The following OXR1 variants were observed in gnomAD, a reference collection of about 807,000 sequenced individuals.
OXR1 encodes oxidation resistance 1, also known as oxidation resistance protein 1.
Under a neutral mutation model 104.6 loss-of-function variants are expected in OXR1, and 41 were observed. The observed-to-expected ratio is 0.39, with a 90% confidence interval of 0.31 to 0.51. The LOEUF is 0.51. Ranked by LOEUF, OXR1 falls within the 20% of genes least tolerant of loss-of-function variation. The probability of loss-of-function intolerance (pLI) is 0.77; values close to 1 mark genes in which losing one functional copy is unlikely to be tolerated. For missense variants in OXR1, 955 were observed against 1,031.9 expected (o/e 0.93, Z 1.02); for synonymous variants, 348 against 348.4 (o/e 1.00, Z 0.01).
At chr8:106,309,402 T>G (rs1813602821) in intron 1 of OXR1, among the ~76,000 whole-genome samples, 1 of 152,160 alleles carries the variant, frequency 6.6e-6, no homozygotes, top group Non-Finnish European at 1.5e-5. Flanking sequence ...TTTGTGTGTA[T>G]CTATCATATA....
chr8:106,332,752 C>T (rs1028877234), intron 1 of OXR1, among the ~76,000 whole-genome samples: 1 of 152,114 alleles, frequency 6.6e-6, no homozygotes, highest in Non-Finnish European at 1.5e-5. Context: ...TAAAAAGAAA[C>T]TGTACCCATT....
At chr8:106,287,656 CAA>C (rs11312139) in intron 1 of OXR1, among the ~76,000 whole-genome samples, 15 of 146,582 alleles carry the variant, frequency 1.0e-4, no homozygotes, top group African/African-American at 2.7e-4. Flanking sequence ...CATCCCATTT[CAA>C]AAAAAAAAAA....
chr8:106,551,858 A>ATGTG (rs1428718280), intron 3 of OXR1, among the ~76,000 whole-genome samples: 35 of 94,278 alleles, frequency 3.7e-4, no homozygotes, highest in South Asian at 1.3e-3. Flanking sequence ...ATGTGTATAT[A>ATGTG]TATGTGTGTG....
At chr8:106,350,092 T>C (rs899167824) in intron 1 of OXR1, among the ~76,000 whole-genome samples, 1 of 152,022 alleles carries the variant, frequency 6.6e-6, no homozygotes, top group African/African-American at 2.4e-5. Flanking sequence ...GGAAAGATTG[T>C]ACAGAATCAG....
chr8:106,535,420 T>C (rs1014248454), intron 3 of OXR1, among the ~76,000 whole-genome samples: 1 of 152,312 alleles, frequency 6.6e-6, no homozygotes, highest in Admixed American at 6.5e-5. Flanking sequence ...CTTTTGTCCC[T>C]AATGTAAAAG....
At chr8:106,603,051 T>G (rs528536714) in intron 3 of OXR1, among the ~76,000 whole-genome samples, 1 of 152,220 alleles carries the variant, frequency 6.6e-6, no homozygotes. Flanking sequence ...AAAGCATCTT[T>G]GCCATTTTAA....
intron 3 of OXR1, among the ~76,000 whole-genome samples, chr8:106,543,036 G>A (rs1323992679): frequency 2.0e-5 from 3 of 152,056 alleles, no homozygotes; most frequent in South Asian, 2.1e-4. Flanking sequence ...CTATTTTTAT[G>A]AGTCCTATTT....
chr8:106,707,412 A>G, intron 9 of OXR1: 1 of 573,334 alleles, frequency 1.7e-6, no homozygotes, highest in Non-Finnish European at 3.0e-6. Flanking sequence ...TCATTAAACA[A>G]TTTATTTCTT....
Position 106,450,761 on chromosome 8 carries a change from G to T in OXR1, c.24-68182G>T, listed in dbSNP as rs566690748. The stretch of plus-strand genomic sequence containing the variant: ...TCATTTTACAGAGCTCTGAAAGAGG[G>T]TGCTTTTTTTTTTTTTAAGTTTTAG... On this transcript the variant is annotated intron_variant, in intron 2 of 16. Coordinates refer to ENST00000517566, the MANE Select transcript of OXR1 (RefSeq NM_001198533.2). 3.5e-5 allele frequency among the ~76,000 whole-genome samples: 4 copies of T among 114,890 alleles called. No homozygotes were observed. The South Asian group carries it at 1.1e-3, about 32-fold the overall frequency. The allele number at this position is 114,890 out of a possible 152,430, so 75.4% of individuals were successfully genotyped here. A position where few individuals can be genotyped will look rare whatever the true frequency, so the allele number is the denominator to read the frequency against.
intron 2 of OXR1, among the ~76,000 whole-genome samples, chr8:106,402,509 A>G (rs1403577200): frequency 6.6e-6 from 1 of 152,190 alleles, no homozygotes; most frequent in Non-Finnish European, 1.5e-5. Context: ...TACTGGACCC[A>G]CTGTGAGACG....
chr8:106,673,518 G>A (rs568327643), intron 3 of OXR1, among the ~76,000 whole-genome samples: 1 of 152,270 alleles, frequency 6.6e-6, no homozygotes, highest in East Asian at 1.9e-4. Context: ...GCCTGACAAT[G>A]CAATAGAAAA....
At chr8:106,643,179 A>C (rs1451746288) in intron 3 of OXR1, among the ~76,000 whole-genome samples, 1 of 152,168 alleles carries the variant, frequency 6.6e-6, no homozygotes, top group African/African-American at 2.4e-5. Context: ...ATACAGTCCA[A>C]CAGAATTTTT....
chr8:106,428,203 C>T (rs1285178167), intron 2 of OXR1, among the ~76,000 whole-genome samples: 1 of 152,086 alleles, frequency 6.6e-6, no homozygotes, highest in Admixed American at 6.6e-5. Flanking sequence ...GAAATGAGCT[C>T]CTTCCATGTT....
rs577834773 is a variant in OXR1, at chr8:106,298,403, A to T, written c.-139+28036A>T. On this transcript the variant is annotated intron_variant, in intron 1 of 16. Transcript: ENST00000517566. ...TCAGATCTTGTGAGACTTATTCACTATCAAGATAATAGCACAGGAAAAACC... is the reference window on the plus strand; with the variant it reads ...TCAGATCTTGTGAGACTTATTCACTTTCAAGATAATAGCACAGGAAAAACC... Among the ~76,000 whole-genome samples, 4 of 152,164 alleles carry T rather than the reference A, an allele frequency of 2.6e-5. No individual in the cohort carries two copies. In the South Asian group the frequency reaches 8.3e-4, roughly 32 times the overall value.
chr8:106,600,428 C>G (rs148129407), intron 3 of OXR1, among the ~76,000 whole-genome samples: 1 of 152,300 alleles, frequency 6.6e-6, no homozygotes, highest in African/African-American at 2.4e-5. Context: ...GCACTCCTAC[C>G]AGTGGCCATT....
intron 1 of OXR1, among the ~76,000 whole-genome samples, chr8:106,273,635 C>A (rs142666386): frequency 1.1e-4 from 16 of 152,306 alleles, no homozygotes; most frequent in African/African-American, 3.4e-4. Flanking sequence ...AAAGCAACCC[C>A]TTTTAGGATA....
intron 10 of OXR1, among the ~76,000 whole-genome samples, chr8:106,711,300 A>G (rs1238506967): frequency 2.0e-5 from 3 of 152,152 alleles, no homozygotes; most frequent in Non-Finnish European, 2.9e-5. Context: ...CAATTTTTAC[A>G]TTTTAAGTAA....
chr8:106,607,425 G>A (rs1820484213), intron 3 of OXR1, among the ~76,000 whole-genome samples: 1 of 152,164 alleles, frequency 6.6e-6, no homozygotes, highest in African/African-American at 2.4e-5. Context: ...TAGCCCTCTT[G>A]TACTAACACT....
chr8:106,541,706 T>C (rs1814963898), intron 3 of OXR1, among the ~76,000 whole-genome samples: 1 of 152,172 alleles, frequency 6.6e-6, no homozygotes, highest in Non-Finnish European at 1.5e-5. Context: ...AGGGTGTGAT[T>C]AGCTATGGAA....
Sources: allele counts gnomAD v4.1 joint callset (sites outside exome capture counted in the v4.1 genomes callset), GRCh38; gene constraint gnomAD v4.1.1; transcripts MANE v1.5; gene names NCBI Gene and HGNC (gene_info 2026-07-23, HGNC 2026-07-21).